ZNF675: variants seen among roughly 807,000 people sequenced by gnomAD.
ZNF675 encodes zinc finger protein 675, also known as TRAF6 inhibitory zinc finger.
A neutral mutation model predicts 56.1 loss-of-function variants in ZNF675; 36 were observed. The ratio of observed to expected loss-of-function variants is 0.64; its 90% CI spans 0.49 to 0.85. The LOEUF (loss-of-function observed/expected upper bound fraction) is 0.85, where lower values mean the gene tolerates loss of function less well. ZNF675 is among the 40% of genes least tolerant of loss of function. ZNF675 has a pLI of 0.00. For missense variants in ZNF675, 663 were observed against 654.2 expected (o/e 1.01, Z -0.15); for synonymous variants, 200 against 218.9 (o/e 0.91, Z 0.76).
intron 3 of ZNF675, 38 bp downstream of exon 3, chr19:23,662,076 C>T: frequency 6.9e-7 from 1 of 1,442,368 alleles, no homozygotes; most frequent in Middle Eastern, 1.7e-4. Context: ...GACCTCTCAT[C>T]AGTGTCACCT....
chr19:23,673,576 C>T (rs191251472), intron 1 of ZNF675, among the ~76,000 whole-genome samples: 95 of 152,180 alleles, frequency 6.2e-4, no homozygotes, highest in African/African-American at 1.8e-3. Flanking sequence ...GAGGGTAAGC[C>T]CACTCTAGAG....
intron 1 of ZNF675, among the ~76,000 whole-genome samples, chr19:23,664,086 CA>C (rs1162537578): frequency 4.6e-5 from 7 of 152,048 alleles, no homozygotes; most frequent in Non-Finnish European, 1.0e-4. Context: ...GTAGTTAAAA[CA>C]AATTCATTAG....
At chr19:23,667,640 C>CCA in intron 1 of ZNF675, among the ~76,000 whole-genome samples, 1 of 151,626 alleles carries the variant, frequency 6.6e-6, no homozygotes, top group African/African-American at 2.4e-5. Context: ...TAAATGTTCT[C>CCA]CAAGGCCCCA....
At chr19:23,676,688 T>C (rs571208585) in intron 1 of ZNF675, among the ~76,000 whole-genome samples, 11 of 152,000 alleles carry the variant, frequency 7.2e-5, no homozygotes, top group Admixed American at 3.3e-4. Flanking sequence ...AAACTAGGCA[T>C]TGAAGGTACA....
chr19:23,675,643 AAAAT>A (rs1968285603), intron 1 of ZNF675, among the ~76,000 whole-genome samples: 1 of 151,748 alleles, frequency 6.6e-6, no homozygotes, highest in Non-Finnish European at 1.5e-5. Flanking sequence ...CAAGTTCTTT[AAAAT>A]AAATGAGAAC....
In ZNF675 at chr19:23,653,183, T is replaced by C. The variant is rs774376505; in HGVS notation, c.*43A>G. ...TCTAGAATTTTTCACCAGTATGATTTCCTTTATATTTAGAAAAATTTGAGG... is the reference window on the plus strand; with the variant it reads ...TCTAGAATTTTTCACCAGTATGATTCCCTTTATATTTAGAAAAATTTGAGG... On this transcript the variant is annotated 3_prime_UTR_variant, in exon 4 of 4. Coordinates refer to ENST00000359788, the MANE Select transcript of ZNF675 (RefSeq NM_138330.3). 6.6e-7 allele frequency: 1 copy of C among 1,507,936 alleles called. No homozygotes were observed. Among genetic ancestry groups the C allele is most frequent in the South Asian group, 1.4e-5 (1 of 73,350 alleles). The allele number at this position is 1,507,936 out of a possible 1,614,324, so 93.4% of individuals were successfully genotyped here. A position where few individuals can be genotyped will look rare whatever the true frequency, so the allele number is the denominator to read the frequency against.
intron 1 of ZNF675, among the ~76,000 whole-genome samples, chr19:23,666,201 T>A (rs1968148506): frequency 6.6e-6 from 1 of 152,244 alleles, no homozygotes; most frequent in Non-Finnish European, 1.5e-5. Context: ...ACCTTTTCTG[T>A]GAGGCAGATA....
chr19:23,668,580 C>G (rs938030996), intron 1 of ZNF675, among the ~76,000 whole-genome samples: 8 of 152,228 alleles, frequency 5.3e-5, no homozygotes, highest in Non-Finnish European at 7.3e-5. Context: ...GAGCAGGGAG[C>G]GGCATCCGTC....
chr19:23,687,157 G>C lies in ZNF675; in HGVS notation c.-124C>G, dbSNP rs554297514. The C allele has an allele frequency of 2.5e-6, 3 of 1,201,856 alleles. No individual in the cohort carries two copies. Among genetic ancestry groups the C allele is most frequent in the South Asian group, 1.2e-5 (1 of 80,472 alleles). 74.4% of individuals were successfully genotyped at this position (1,201,856 alleles called of 1,614,324 possible). On this transcript the variant is annotated 5_prime_UTR_variant, in exon 1 of 4. Coordinates refer to ENST00000359788, the MANE Select transcript of ZNF675 (RefSeq NM_138330.3). ...CAGAGCAATGAAAGCGAGACCTGGA[G>C]CTCCGGCTGCAGCGAGAGACAAAGG...
At chr19:23,684,106 A>C (rs898379274) in intron 1 of ZNF675, among the ~76,000 whole-genome samples, 10 of 151,468 alleles carry the variant, frequency 6.6e-5, no homozygotes, top group African/African-American at 2.4e-4. Context: ...CTAAAAATAC[A>C]AAAAAATTAG....
intron 1 of ZNF675, among the ~76,000 whole-genome samples, chr19:23,683,633 A>G (rs8103703): frequency 0.97 from 147,780 of 152,112 alleles, 71,946 homozygotes; most frequent in Middle Eastern, 1. Context: ...TATTGACCAG[A>G]CTGGTCCTGA....
intron 3 of ZNF675, chr19:23,658,517 TA>T (rs1968018408): frequency 6.6e-6 from 1 of 151,270 alleles, no homozygotes; most frequent in Non-Finnish European, 1.5e-5. Context: ...CCATCTCTAC[TA>T]AAAGTACAAA....
At chr19:23,662,035 T>G in intron 3 of ZNF675, 79 bp downstream of exon 3, 1 of 1,071,710 alleles carries the variant, frequency 9.3e-7, no homozygotes, top group South Asian at 1.4e-5. Context: ...CCAAATCACA[T>G]TTTAAGGACT....
intron 1 of ZNF675, among the ~76,000 whole-genome samples, chr19:23,668,395 T>A (rs1968183225): frequency 6.6e-6 from 1 of 151,990 alleles, no homozygotes. Context: ...TGCTGATTGG[T>A]GTGTTTACAA....
intron 1 of ZNF675, among the ~76,000 whole-genome samples, chr19:23,669,122 T>C (rs752233117): frequency 9.9e-5 from 15 of 152,182 alleles, no homozygotes; most frequent in Non-Finnish European, 1.8e-4. Context: ...TTTTCAGTCT[T>C]TCAGCAGCCA....
intron 1 of ZNF675, among the ~76,000 whole-genome samples, chr19:23,676,613 TAACTC>T (rs1968297834): frequency 6.6e-6 from 1 of 151,730 alleles, no homozygotes. Context: ...ACCACAAAAT[TAACTC>T]AATAGATGCA....
At chr19:23,671,116 G>A (rs1422070668) in intron 1 of ZNF675, among the ~76,000 whole-genome samples, 1 of 152,124 alleles carries the variant, frequency 6.6e-6, no homozygotes, top group African/African-American at 2.4e-5. Flanking sequence ...TTTATGGCAG[G>A]TTGGAGGAAG....
Position 23,673,710 on chromosome 19 carries a change from A to ATATC in ZNF675, c.4-10556_4-10553dup, listed in dbSNP as rs367941866. Among the ~76,000 whole-genome samples, 190 of 152,312 alleles carry ATATC rather than the reference A, an allele frequency of 1.2e-3. 2 individuals carry two copies. The highest frequency in any genetic ancestry group is 4.1e-3 in the African/African-American group (169 of 41,568). ...AAGGGGAGGGAGAGCATTAGGACATATATCTAATGCATGTGGGGCTTAAAA... is the reference window on the plus strand; with the variant it reads ...AAGGGGAGGGAGAGCATTAGGACATATATCTATCTAATGCATGTGGGGCTTAAAA... On this transcript the variant is annotated intron_variant, in intron 1 of 3. Coordinates refer to ENST00000359788, the MANE Select transcript of ZNF675 (RefSeq NM_138330.3).
At chr19:23,654,829 T>C in intron 3 of ZNF675, 123 bp from the exon 4 acceptor site, 1 of 751,624 alleles carries the variant, frequency 1.3e-6, no homozygotes, top group Admixed American at 3.1e-5. Flanking sequence ...ATTAAGTGTA[T>C]GTGTTGCCCC....
Sources: gnomAD v4.1 joint callset for allele counts (sites outside exome capture counted in the v4.1 genomes callset) on GRCh38, gnomAD v4.1.1 for gene constraint, MANE v1.5 for transcripts, NCBI Gene and HGNC (gene_info 2026-07-23, HGNC 2026-07-21) for gene names.